Variants in SAMHD1 observed in about 807,000 individuals in gnomAD.
The protein encoded by SAMHD1 is SAM and HD domain containing deoxynucleoside triphosphate triphosphohydrolase 1, also known as deoxynucleoside triphosphate triphosphohydrolase SAMHD1.
A neutral mutation model predicts 79.6 loss-of-function variants in SAMHD1; 54 were observed. The observed-to-expected ratio is 0.68, with a 90% CI of 0.55 to 0.85. The LOEUF (loss-of-function observed/expected upper bound fraction) is 0.85, where lower values mean the gene tolerates loss of function less well. Ranked by LOEUF, SAMHD1 falls within the 40% of genes least tolerant of loss-of-function variation. SAMHD1 has a pLI of 0.00. For synonymous variants in SAMHD1, 260 were observed against 264.1 expected (o/e 0.98, Z 0.15); for missense variants, 663 against 782.7 (o/e 0.85, Z 1.82).
intron 1 of SAMHD1, among the ~76,000 whole-genome samples, chr20:36,950,638 A>G (rs2063727622): frequency 6.6e-6 from 1 of 152,206 alleles, no homozygotes; most frequent in Non-Finnish European, 1.5e-5. Flanking sequence ...ACACTTCTCC[A>G]GGGGATGTGG....
At chr20:36,939,253 CAAAAAAA>C (rs57018620) in intron 3 of SAMHD1, among the ~76,000 whole-genome samples, 29 of 36,640 alleles carry the variant, frequency 7.9e-4, no homozygotes, top group South Asian at 5.1e-3. Flanking sequence ...GACTCCCTCT[CAAAAAAA>C]AAAAAAAAAA....
At chr20:36,929,644 G>T (rs538179209) in intron 5 of SAMHD1, among the ~76,000 whole-genome samples, 1 of 152,146 alleles carries the variant, frequency 6.6e-6, no homozygotes, top group South Asian at 2.1e-4. Context: ...CCCAGGAGGC[G>T]GAGGTTGCAG....
chr20:36,947,584 G>A (rs1199277551), intron 1 of SAMHD1, among the ~76,000 whole-genome samples: 2 of 149,400 alleles, frequency 1.3e-5, no homozygotes, highest in South Asian at 4.3e-4. Flanking sequence ...GTGTGTGTGT[G>A]TGTGTGTTGT....
chr20:36,893,110 T>TG (rs1568756644), intron 15 of SAMHD1, 44 bp from the exon 16 acceptor site: 1 of 1,606,518 alleles, frequency 6.2e-7, no homozygotes, highest in Admixed American at 1.7e-5. Flanking sequence ...GAAAAGCCAG[T>TG]TTCCATCATC....
chr20:36,918,294 A>T (rs1289273313), intron 7 of SAMHD1, among the ~76,000 whole-genome samples: 3 of 151,954 alleles, frequency 2.0e-5, no homozygotes, highest in Non-Finnish European at 4.4e-5. Context: ...ACACATTTAC[A>T]TTCCAAACAA....
chr20:36,924,087 C>T (rs1280282656), intron 6 of SAMHD1, among the ~76,000 whole-genome samples: 1 of 151,950 alleles, frequency 6.6e-6, no homozygotes, highest in East Asian at 1.9e-4. Flanking sequence ...ACTCCCTCTA[C>T]AAAAAATATA....
chr20:36,909,610 G>C (rs894485722), intron 11 of SAMHD1, among the ~76,000 whole-genome samples: 13 of 147,722 alleles, frequency 8.8e-5, no homozygotes, highest in Non-Finnish European at 1.5e-4. Flanking sequence ...GGCGGAGGTT[G>C]CAGTGAGCCG....
intron 13 of SAMHD1, among the ~76,000 whole-genome samples, chr20:36,902,428 C>T (rs372378921): frequency 1.3e-5 from 2 of 152,146 alleles, no homozygotes; most frequent in Non-Finnish European, 2.9e-5. Flanking sequence ...GGTGATCGTC[C>T]GCCTCGGCCT....
chr20:36,897,247 T>TATTC (rs947028763), intron 15 of SAMHD1, among the ~76,000 whole-genome samples: 11 of 152,360 alleles, frequency 7.2e-5, no homozygotes, highest in African/African-American at 1.7e-4. Flanking sequence ...ATGCCAATCA[T>TATTC]ATTCATTCAT....
In SAMHD1 at chr20:36,891,980, AG is replaced by A. The variant is rs1199281226; in HGVS notation, c.*951del. The A allele has an allele frequency of 2.6e-5, 4 of 152,336 alleles. No individual in the cohort carries two copies. The East Asian group carries it at 7.7e-4, about 29-fold the overall frequency. The allele number at this position is 152,336 out of a possible 1,614,324, so 9.4% of individuals were successfully genotyped here. A position where few individuals can be genotyped will look rare whatever the true frequency, so the allele number is the denominator to read the frequency against. ...CTCCAGGATACTGAGAGAGCAGGTC[AG>A]GGGAGGCCTTCTCCAGGCTGGGCAG... On this transcript the variant is annotated 3_prime_UTR_variant, in exon 16 of 16. Coordinates refer to ENST00000646673, the MANE Select transcript of SAMHD1 (RefSeq NM_015474.4).
chr20:36,946,009 G>A (rs1011531720), intron 2 of SAMHD1, among the ~76,000 whole-genome samples: 5 of 151,166 alleles, frequency 3.3e-5, no homozygotes, highest in Admixed American at 2.0e-4. Context: ...GTGGCCAGTC[G>A]CGGTGGCTCA....
chr20:36,918,005 A>G (rs1182531806), intron 7 of SAMHD1, among the ~76,000 whole-genome samples: 2 of 152,034 alleles, frequency 1.3e-5, no homozygotes, highest in African/African-American at 4.8e-5. Flanking sequence ...CTTCCTATAA[A>G]TATTTCAAAT....
chr20:36,895,463 C>T (rs2148354057), intron 15 of SAMHD1, among the ~76,000 whole-genome samples: 1 of 152,132 alleles, frequency 6.6e-6, no homozygotes, highest in East Asian at 1.9e-4. Flanking sequence ...TACCATGCTC[C>T]TATAATTATT....
At chr20:36,893,710 C>T in intron 15 of SAMHD1, 2 of 393,664 alleles carry the variant, frequency 5.1e-6, no homozygotes, top group Admixed American at 8.8e-5. Context: ...TCTTTGGTTA[C>T]AAGATGATGC....
chr20:36,927,065 AC>A (rs2063540989), intron 6 of SAMHD1, 116 bp downstream of exon 6: 2 of 877,078 alleles, frequency 2.3e-6, no homozygotes, highest in Non-Finnish European at 1.9e-6. Flanking sequence ...AGCACCCTGG[AC>A]ACTGTAATGG....
Position 36,930,762 on chromosome 20 carries a change from A to AGATCAT in SAMHD1, c.617_622dup (p.His206_Asp207dup). ...CTTTGTCTCTTTGTACAGCTTACCG[A>AGATCAT]GATCATGACAAAGTCCAGCAATCTG... On this transcript the variant is annotated inframe_insertion, in exon 5 of 16. Transcript: ENST00000646673. 6.2e-7 allele frequency: 1 copy of AGATCAT among 1,604,784 alleles called. No individual in the cohort carries two copies. The highest frequency in any genetic ancestry group is 8.5e-7 in the Non-Finnish European group (1 of 1,171,682).
At position 36,927,377 on chromosome 20, in the gene SAMHD1, G is replaced by C. The variant is rs1045105041; in HGVS notation, c.626-125C>G. 22 of 769,444 alleles carry C rather than the reference G, an allele frequency of 2.9e-5. No homozygotes were observed. In the African/African-American group the frequency reaches 3.7e-4, roughly 13 times the overall value. The allele number at this position is 769,444 out of a possible 1,614,324, so 47.7% of individuals were successfully genotyped here. On this transcript the variant is annotated intron_variant, in intron 5 of 15. Coordinates refer to ENST00000646673, the MANE Select transcript of SAMHD1 (RefSeq NM_015474.4). ...TTGTTGCCCAGGCTGGAGTGTAGTG[G>C]TACAATCTTGGCTCAACACAATCTC...
chr20:36,932,832 A>G (rs1358418205), intron 4 of SAMHD1, among the ~76,000 whole-genome samples: 2 of 152,212 alleles, frequency 1.3e-5, no homozygotes, highest in African/African-American at 4.8e-5. Flanking sequence ...GATTGGTTGC[A>G]CAATGTGAAT....
chr20:36,892,990 G>C lies in SAMHD1; in HGVS notation c.1823C>G (p.Thr608Ser). ...WNDSTSVQNPTRLREASKSRV... is the reference protein window; with the variant it reads ...WNDSTSVQNPSRLREASKSRV... ...GCTTTTGGATGCTTCTCGGAGGCGA[G>C]TTGGATTTTGGACTGAAGTACTGTC... is the stretch of plus-strand genomic sequence containing the variant. The change falls in exon 16 of 16, where the codon ACT (threonine) becomes AGT (serine). Residue 608 changes from threonine (T) to serine (S), a missense_variant. Physicochemically the swap from Thr to Ser is moderately conservative, Grantham distance 58. Transcript: ENST00000646673. 1 of 1,614,070 alleles carries C rather than the reference G, an allele frequency of 6.2e-7. No homozygotes were observed. The highest frequency in any genetic ancestry group is 8.5e-7 in the Non-Finnish European group (1 of 1,180,038).
Sources: allele counts gnomAD v4.1 joint callset (sites outside exome capture counted in the v4.1 genomes callset), GRCh38; gene constraint gnomAD v4.1.1; transcripts MANE v1.5; gene names NCBI Gene and HGNC (gene_info 2026-07-23, HGNC 2026-07-21).